The following SMIM31 variants were observed in gnomAD, a reference collection of about 807,000 sequenced individuals.
The protein encoded by SMIM31 is human epithelial cell program regulator.
intron 2 of SMIM31, among the ~76,000 whole-genome samples, chr4:164,788,472 A>ATTTTTTTTTTTT (rs1187569698): frequency 5.1e-4 from 31 of 60,482 alleles, no homozygotes; most frequent in Non-Finnish European, 7.8e-4. Context: ...CTTTCTTCTA[A>ATTTTTTTTTTTT]TTTTTCTTTT....
chr4:164,773,525 G>A (rs1732840417), intron 2 of SMIM31, among the ~76,000 whole-genome samples: 1 of 152,130 alleles, frequency 6.6e-6, no homozygotes. Context: ...GAAACTGGGG[G>A]AAAGGCCCTT....
intron 2 of SMIM31, among the ~76,000 whole-genome samples, chr4:164,781,154 A>G (rs1466781394): frequency 1.3e-5 from 2 of 148,978 alleles, no homozygotes; most frequent in Non-Finnish European, 3.0e-5. Flanking sequence ...ACACACACAC[A>G]CACACAATAC....
chr4:164,765,580 G>C (rs868855537), intron 1 of SMIM31, among the ~76,000 whole-genome samples: 2 of 147,404 alleles, frequency 1.4e-5, no homozygotes, highest in Non-Finnish European at 3.0e-5. Flanking sequence ...CAGCAGGTGA[G>C]TCTTGTTCAG....
intron 1 of SMIM31, among the ~76,000 whole-genome samples, chr4:164,767,025 A>T (rs1209142471): frequency 6.6e-6 from 1 of 152,186 alleles, no homozygotes; most frequent in Non-Finnish European, 1.5e-5. Flanking sequence ...AGGTCAGTGC[A>T]GGAGCATGCA....
At chr4:164,756,236 C>T (rs565414404) in intron 1 of SMIM31, among the ~76,000 whole-genome samples, 8 of 152,078 alleles carry the variant, frequency 5.3e-5, no homozygotes, top group African/African-American at 1.9e-4. Context: ...CACATGTATC[C>T]CAGAACTTAA....
At chr4:164,780,194 A>G (rs771954569) in intron 2 of SMIM31, among the ~76,000 whole-genome samples, 3 of 152,296 alleles carry the variant, frequency 2.0e-5, no homozygotes, top group Admixed American at 6.5e-5. Flanking sequence ...TTGGGAGGCC[A>G]AGGCGGGTGG....
rs1733300817 is a variant in SMIM31, at chr4:164,802,534, C to T, written c.*1340C>T. On this transcript the variant is annotated 3_prime_UTR_variant, in exon 3 of 3. Coordinates refer to ENST00000507311, the MANE Select transcript of SMIM31 (RefSeq NM_001352885.1). Reference sequence around the variant, plus strand: ...TACACGCATGAGCCACCATGCCTGGCCTGTTATTTATAACTCTTACAAACA... The same window carrying T: ...TACACGCATGAGCCACCATGCCTGGTCTGTTATTTATAACTCTTACAAACA... 1 of 152,228 alleles carries T rather than the reference C, an allele frequency of 6.6e-6. No individual in the cohort carries two copies. The highest frequency in any genetic ancestry group is 6.5e-5 in the Admixed American group (1 of 15,274). 9.4% of individuals were successfully genotyped at this position (152,228 alleles called of 1,614,324 possible).
At chr4:164,778,337 A>T (rs1009546916) in intron 2 of SMIM31, among the ~76,000 whole-genome samples, 20 of 152,096 alleles carry the variant, frequency 1.3e-4, no homozygotes, top group Admixed American at 5.9e-4. Context: ...AAAAAAAAAA[A>T]TTTTATTTTG....
chr4:164,788,646 C>T (rs1053094020), intron 2 of SMIM31, among the ~76,000 whole-genome samples: 1 of 151,256 alleles, frequency 6.6e-6, no homozygotes, highest in African/African-American at 2.4e-5. Flanking sequence ...TGCACCACCA[C>T]GCCCGGCTAA....
At chr4:164,785,636 TTGTG>T (rs112075456) in intron 2 of SMIM31, among the ~76,000 whole-genome samples, 6 of 150,680 alleles carry the variant, frequency 4.0e-5, no homozygotes, top group East Asian at 3.9e-4. Flanking sequence ...TTTAAACTTA[TTGTG>T]TGTGTGTGTG....
At chr4:164,798,042 A>G (rs1245280967) in intron 2 of SMIM31, among the ~76,000 whole-genome samples, 2 of 152,038 alleles carry the variant, frequency 1.3e-5, no homozygotes, top group Admixed American at 1.3e-4. Context: ...AGTTCCATCC[A>G]TGTTGCTGCA....
chr4:164,795,773 T>C, intron 2 of SMIM31, among the ~76,000 whole-genome samples: 1 of 152,186 alleles, frequency 6.6e-6, no homozygotes, highest in East Asian at 1.9e-4. Context: ...TTAATTATAA[T>C]CAGTTAATAA....
At chr4:164,798,765 G>T (rs903792094) in intron 2 of SMIM31, among the ~76,000 whole-genome samples, 1 of 152,128 alleles carries the variant, frequency 6.6e-6, no homozygotes. Flanking sequence ...ATCTCATGTT[G>T]AATTGTAATC....
chr4:164,768,478 G>C (rs897999285), intron 1 of SMIM31, among the ~76,000 whole-genome samples: 1 of 149,896 alleles, frequency 6.7e-6, no homozygotes, highest in Non-Finnish European at 1.5e-5. Context: ...GCCAGAGGAA[G>C]GGAAGGAGGC....
intron 2 of SMIM31, among the ~76,000 whole-genome samples, chr4:164,793,621 T>C (rs1328587277): frequency 6.6e-6 from 1 of 152,182 alleles, no homozygotes; most frequent in Non-Finnish European, 1.5e-5. Flanking sequence ...TGATTTCTTC[T>C]TTGTGTGAAT....
chr4:164,790,498 G>A (rs989602393), intron 2 of SMIM31, among the ~76,000 whole-genome samples: 22 of 152,014 alleles, frequency 1.4e-4, no homozygotes, highest in African/African-American at 5.3e-4. Flanking sequence ...TGAAGCAGTG[G>A]GAGTGGCAAT....
intron 2 of SMIM31, among the ~76,000 whole-genome samples, chr4:164,780,228 C>T (rs1414035606): frequency 6.6e-6 from 1 of 152,164 alleles, no homozygotes; most frequent in African/African-American, 2.4e-5. Context: ...GAGATCAAGA[C>T]CAGCCTGGCC....
At chr4:164,769,711 G>A (rs890715032) in intron 1 of SMIM31, among the ~76,000 whole-genome samples, 5 of 149,272 alleles carry the variant, frequency 3.3e-5, no homozygotes, top group Admixed American at 1.3e-4. Flanking sequence ...AAACCTGCAC[G>A]TTGTGCACAT....
chr4:164,760,317 G>A (rs1579059691), intron 1 of SMIM31, among the ~76,000 whole-genome samples: 1 of 152,176 alleles, frequency 6.6e-6, no homozygotes, highest in Non-Finnish European at 1.5e-5. Flanking sequence ...AGAAAGAAAA[G>A]CAAAGGGAGA....
Sources: gnomAD v4.1 joint callset for allele counts (sites outside exome capture counted in the v4.1 genomes callset) on GRCh38, gnomAD v4.1.1 for gene constraint, MANE v1.5 for transcripts, NCBI Gene and HGNC (gene_info 2026-07-23, HGNC 2026-07-21) for gene names.